Variants in ZSWIM6 observed in about 807,000 individuals in gnomAD.
The protein encoded by ZSWIM6 is zinc finger SWIM domain-containing protein 6.
In ZSWIM6, 9 loss-of-function variants were observed where a neutral mutation model predicts 113.2. The observed-to-expected ratio is 0.08, with a 90% confidence interval of 0.05 to 0.14. The LOEUF (loss-of-function observed/expected upper bound fraction) is 0.14. Ranked by LOEUF, ZSWIM6 falls within the 10% of genes least tolerant of loss-of-function variation. The pLI is 1.00. For synonymous variants in ZSWIM6, 611 were observed against 606.5 expected, an observed-to-expected ratio of 1.01 and a Z score of -0.11; for missense variants, 1,162 against 1,552.2, an observed-to-expected ratio of 0.75 and a Z score of 4.22.
At chr5:61,539,974 G>A (rs1348166882) in intron 12 of ZSWIM6, among the ~76,000 whole-genome samples, 1 of 151,492 alleles carries the variant, frequency 6.6e-6, no homozygotes, top group East Asian at 1.9e-4. Flanking sequence ...ACATTTAGCA[G>A]CCTAATTTGT....
intron 1 of ZSWIM6, among the ~76,000 whole-genome samples, chr5:61,441,297 G>A (rs2112147134): frequency 6.6e-6 from 1 of 152,258 alleles, no homozygotes; most frequent in African/African-American, 2.4e-5. Flanking sequence ...ACTTGAGCCT[G>A]TCCTGGATGT....
intron 1 of ZSWIM6, among the ~76,000 whole-genome samples, chr5:61,413,809 C>T (rs1746192807): frequency 6.6e-6 from 1 of 152,014 alleles, no homozygotes; most frequent in African/African-American, 2.4e-5. Flanking sequence ...CTTTTGGCTG[C>T]ATAAATATCT....
At chr5:61,518,697 C>T (rs994467293) in intron 4 of ZSWIM6, among the ~76,000 whole-genome samples, 2 of 151,870 alleles carry the variant, frequency 1.3e-5, no homozygotes, top group Non-Finnish European at 2.9e-5. Context: ...AGCCCTTTGT[C>T]AGATGAGTAG....
intron 12 of ZSWIM6, 124 bp from the exon 13 acceptor site, chr5:61,541,760 A>G (rs1162314279): frequency 2.6e-6 from 2 of 779,552 alleles, no homozygotes; most frequent in Non-Finnish European, 4.1e-6. Flanking sequence ...GCTCTAAATT[A>G]TGCTTTCATC....
chr5:61,332,920 C>G lies in ZSWIM6; in HGVS notation c.648C>G (p.Ser216Arg), dbSNP rs1239039943. 104 of 1,350,628 alleles carry G rather than the reference C, an allele frequency of 7.7e-5. No homozygotes were observed. The highest frequency in any genetic ancestry group is 9.7e-5 in the Non-Finnish European group (101 of 1,039,664). The allele number at this position is 1,350,628 out of a possible 1,614,324, so 83.7% of individuals were successfully genotyped here. ...GCCGGGGCATCGCGCTGTTGGAAAGCGGCTGCGTAGACAACGTCCTGCAAG... is the reference window on the plus strand; with the variant it reads ...GCCGGGGCATCGCGCTGTTGGAAAGGGGCTGCGTAGACAACGTCCTGCAAG... ...PFRRGIALLESGCVDNVLQVG... is the reference protein window; with the variant it reads ...PFRRGIALLERGCVDNVLQVG... The change falls in exon 1 of 14, where the codon AGC (serine) becomes AGG (arginine). Residue 216 changes from serine (S) to arginine (R), a missense_variant. Transcript: ENST00000252744.
At chr5:61,366,819 C>T (rs1745163945) in intron 1 of ZSWIM6, among the ~76,000 whole-genome samples, 1 of 151,282 alleles carries the variant, frequency 6.6e-6, no homozygotes, top group Admixed American at 6.6e-5. Flanking sequence ...GTCCCAGCTA[C>T]TTGGGGGGCT....
At chr5:61,410,144 C>A (rs1746124372) in intron 1 of ZSWIM6, among the ~76,000 whole-genome samples, 1 of 152,018 alleles carries the variant, frequency 6.6e-6, no homozygotes. Flanking sequence ...AGCATATAGA[C>A]CAGGAAGATA....
At chr5:61,423,423 A>AC (rs1561231487) in intron 1 of ZSWIM6, among the ~76,000 whole-genome samples, 18 of 151,260 alleles carry the variant, frequency 1.2e-4, no homozygotes, top group Admixed American at 1.1e-3. Flanking sequence ...AAAAAACACA[A>AC]AAAAAAAACA....
intron 1 of ZSWIM6, among the ~76,000 whole-genome samples, chr5:61,338,228 A>C (rs1432874777): frequency 1.3e-5 from 2 of 151,962 alleles, no homozygotes; most frequent in African/African-American, 4.8e-5. Flanking sequence ...GATGGGTACA[A>C]ATTTCAGTCA....
intron 5 of ZSWIM6, 99 bp downstream of exon 5, chr5:61,521,541 C>A: frequency 9.6e-7 from 1 of 1,036,474 alleles, no homozygotes; most frequent in Non-Finnish European, 1.3e-6. Context: ...ATGATTTTAC[C>A]AACTTAAGAA....
At chr5:61,536,084 G>C (rs1051954964) in intron 10 of ZSWIM6, among the ~76,000 whole-genome samples, 2 of 152,218 alleles carry the variant, frequency 1.3e-5, no homozygotes, top group Non-Finnish European at 2.9e-5. Flanking sequence ...AGGCACATCT[G>C]TATTCACTGG....
chr5:61,514,424 G>T (rs1190101855), intron 4 of ZSWIM6, among the ~76,000 whole-genome samples: 1 of 151,848 alleles, frequency 6.6e-6, no homozygotes, highest in African/African-American at 2.4e-5. Context: ...GAATAGAAGT[G>T]GTAAGAGCAG....
intron 4 of ZSWIM6, among the ~76,000 whole-genome samples, chr5:61,498,118 C>T (rs890940645): frequency 6.6e-6 from 1 of 152,068 alleles, no homozygotes; most frequent in Non-Finnish European, 1.5e-5. Context: ...GTTGTGGCTG[C>T]CAGTCTATTA....
At chr5:61,365,089 A>G (rs1400933093) in intron 1 of ZSWIM6, among the ~76,000 whole-genome samples, 2 of 152,130 alleles carry the variant, frequency 1.3e-5, no homozygotes, top group African/African-American at 4.8e-5. Flanking sequence ...GCCCACGCTT[A>G]TAATCCCAGG....
At chr5:61,369,630 G>A (rs953934322) in intron 1 of ZSWIM6, among the ~76,000 whole-genome samples, 2 of 152,086 alleles carry the variant, frequency 1.3e-5, no homozygotes, top group African/African-American at 4.8e-5. Context: ...CCCTATTTAT[G>A]TCTGCTTACT....
chr5:61,340,583 ATAACT>A (rs986376477), intron 1 of ZSWIM6, among the ~76,000 whole-genome samples: 4 of 152,362 alleles, frequency 2.6e-5, no homozygotes, highest in African/African-American at 9.6e-5. Context: ...AGATAAAAAG[ATAACT>A]TCAATTTCAG....
Position 61,464,158 on chromosome 5 carries a change from A to ATTTTTTTTTTTT in ZSWIM6, c.677-8501_677-8490dup, listed in dbSNP as rs869288331. On this transcript the variant is annotated intron_variant, in intron 1 of 13. Coordinates refer to ENST00000252744, the MANE Select transcript of ZSWIM6 (RefSeq NM_020928.2). ...AGGTGCATGCCAACACACCCGGCTAATTTTTTTTTTTTTTTTTTTTTTTTT... is the reference window on the plus strand; with the variant it reads ...AGGTGCATGCCAACACACCCGGCTAATTTTTTTTTTTTTTTTTTTTTTTTTTTTTTTTTTTTT... 2.3e-3 allele frequency among the ~76,000 whole-genome samples: 99 copies of ATTTTTTTTTTTT among 43,542 alleles called. 3 individuals are homozygous for ATTTTTTTTTTTT. The highest frequency in any genetic ancestry group is 3.3e-3 in the Admixed American group (9 of 2,750). 28.6% of individuals were successfully genotyped at this position (43,542 alleles called of 152,430 possible). A position where few individuals can be genotyped will look rare whatever the true frequency, so the allele number is the denominator to read the frequency against.
intron 1 of ZSWIM6, among the ~76,000 whole-genome samples, chr5:61,434,338 T>A (rs1170309954): frequency 1.3e-5 from 2 of 151,900 alleles, no homozygotes; most frequent in African/African-American, 2.4e-5. Context: ...CAGGTGGTTT[T>A]TGGTTACATG....
chr5:61,335,529 A>G (rs537066888), intron 1 of ZSWIM6, among the ~76,000 whole-genome samples: 1 of 152,368 alleles, frequency 6.6e-6, no homozygotes, highest in Non-Finnish European at 1.5e-5. Flanking sequence ...TTGATATGCT[A>G]ACTTGAAAGG....
Sources: allele counts gnomAD v4.1 joint callset (sites outside exome capture counted in the v4.1 genomes callset), GRCh38; gene constraint gnomAD v4.1.1; transcripts MANE v1.5; gene names NCBI Gene and HGNC (gene_info 2026-07-23, HGNC 2026-07-21).